The following ZNF292 variants were observed in gnomAD, a reference collection of about 807,000 sequenced individuals.
ZNF292 encodes the protein 16 zinc-finger domain protein.
ZNF292 carries 26 observed loss-of-function variants against 217.9 expected under a neutral mutation model. The observed-to-expected ratio is 0.12, with a 90% CI of 0.09 to 0.17. ZNF292 has a LOEUF of 0.17. Ranked by LOEUF, ZNF292 falls within the 10% of genes least tolerant of loss-of-function variation. ZNF292 has a pLI of 1.00. For synonymous variants in ZNF292, 1,257 were observed against 1,124.1 expected (o/e 1.12, Z -2.37); for missense variants, 2,904 against 3,175.2 (o/e 0.91, Z 2.05).
chr6:87,208,179 T>C (rs751169249), intron 1 of ZNF292, among the ~76,000 whole-genome samples: 4 of 152,190 alleles, frequency 2.6e-5, no homozygotes, highest in Non-Finnish European at 5.9e-5. Flanking sequence ...ACCAATCTTA[T>C]TTTGATCCTC....
intron 4 of ZNF292, among the ~76,000 whole-genome samples, chr6:87,227,037 T>C (rs894219452): frequency 9.9e-5 from 15 of 152,192 alleles, no homozygotes; most frequent in African/African-American, 3.6e-4. Flanking sequence ...TAGTTAAATC[T>C]AATACTCATA....
At chr6:87,165,861 G>A (rs1014216720) in intron 1 of ZNF292, among the ~76,000 whole-genome samples, 3 of 150,268 alleles carry the variant, frequency 2.0e-5, no homozygotes, top group African/African-American at 4.9e-5. Flanking sequence ...AGGTTTAAGC[G>A]ATTCTCCCGC....
chr6:87,158,938 A>G (rs1693250671), intron 1 of ZNF292, among the ~76,000 whole-genome samples: 2 of 152,226 alleles, frequency 1.3e-5, no homozygotes. Context: ...ACGTTTGTCA[A>G]AGTTAATGGG....
In ZNF292 at chr6:87,260,679, G is replaced by T. The variant is rs764872083; in HGVS notation, c.7050G>T (p.Gln2350His). ...NLENKNAKIV[Q>H]IEENKPYSLK... Reference sequence around the variant, plus strand: ...AAAACAAGAATGCAAAGATTGTGCAGATTGAAGAAAATAAGCCTTATTCTC... The same window carrying T: ...AAAACAAGAATGCAAAGATTGTGCATATTGAAGAAAATAAGCCTTATTCTC... The change falls in exon 8 of 8, where the codon CAG becomes CAT. Residue 2350 changes from glutamine to histidine, a missense_variant. Around this residue, in one of 15 missense-constraint regions of ZNF292, gnomAD observed 101 missense variants for 89.5 expected, o/e 1.13. Transcript: ENST00000369577. The T allele has an allele frequency of 6.2e-7, 1 of 1,612,706 alleles. No homozygotes were observed. Among genetic ancestry groups the T allele is most frequent in the Non-Finnish European group, 8.5e-7 (1 of 1,179,502 alleles).
Position 87,257,772 on chromosome 6 carries a change from C to T in ZNF292, c.4143C>T (p.Tyr1381=), listed in dbSNP as rs749457728. 8.9e-5 allele frequency: 143 copies of T among 1,613,688 alleles called. 1 individual carries two copies. In the East Asian group the frequency reaches 3.1e-3, roughly 35 times the overall value. ...GGAAATTTATCTGTAGCAGGTGTTA[C>T]AGGGCTTTTACTAATCCCAGATCAC... ...RDGKFICSRC[Y]RAFTNPRSLG... is the part of the protein sequence containing the mutation. Residue 1381 remains tyrosine (Y), a synonymous_variant, in exon 8 of 8, where the codon TAC becomes TAT. Coordinates refer to ENST00000369577, the MANE Select transcript of ZNF292 (RefSeq NM_015021.3).
At chr6:87,196,018 A>G (rs576145308) in intron 1 of ZNF292, among the ~76,000 whole-genome samples, 11 of 146,674 alleles carry the variant, frequency 7.5e-5, no homozygotes, top group African/African-American at 2.8e-4. Flanking sequence ...GCAGAGTGAG[A>G]CTCCGTCTCA....
intron 1 of ZNF292, among the ~76,000 whole-genome samples, chr6:87,177,368 G>A (rs1291976317): frequency 6.6e-6 from 1 of 151,240 alleles, no homozygotes; most frequent in East Asian, 1.9e-4. Context: ...GTCATTTTTA[G>A]CTCCTCCTCT....
chr6:87,218,874 T>C, intron 4 of ZNF292, 143 bp downstream of exon 4: 1 of 796,612 alleles, frequency 1.3e-6, no homozygotes, highest in South Asian at 2.3e-5. Flanking sequence ...CTTGAGGCCC[T>C]GCGCCTTTAT....
At chr6:87,190,104 A>G (rs1277493264) in intron 1 of ZNF292, among the ~76,000 whole-genome samples, 1 of 152,108 alleles carries the variant, frequency 6.6e-6, no homozygotes, top group Non-Finnish European at 1.5e-5. Flanking sequence ...TTGTGTGTGT[A>G]TGTGTGTATG....
At chr6:87,229,309 A>G (rs1166370912) in intron 4 of ZNF292, among the ~76,000 whole-genome samples, 1 of 152,192 alleles carries the variant, frequency 6.6e-6, no homozygotes, top group Non-Finnish European at 1.5e-5. Context: ...GTAGTTTTTA[A>G]ATGGGATCTT....
At chr6:87,160,179 A>G (rs937494053) in intron 1 of ZNF292, among the ~76,000 whole-genome samples, 5 of 152,216 alleles carry the variant, frequency 3.3e-5, no homozygotes, top group African/African-American at 9.7e-5. Context: ...TATGATTTAT[A>G]TATTTTATCA....
At position 87,258,052 on chromosome 6, in the gene ZNF292, G is replaced by T; in HGVS notation, c.4423G>T (p.Val1475Leu). Residue 1475 changes from valine (V) to leucine (L), a missense_variant, in exon 8 of 8, where the codon GTG (valine) becomes TTG (leucine). Coordinates refer to ENST00000369577, the MANE Select transcript of ZNF292 (RefSeq NM_015021.3). ...ACCAAATACATTTCCTCGATCTGGTGTGACTAACTTTAATACCAGTGTCAG... is the reference window on the plus strand; with the variant it reads ...ACCAAATACATTTCCTCGATCTGGTTTGACTAACTTTAATACCAGTGTCAG... ...FLPNTFPRSG[V>L]TNFNTSVSQE... 1 of 1,613,810 alleles carries T rather than the reference G, an allele frequency of 6.2e-7. No homozygotes were observed. Among genetic ancestry groups the T allele is most frequent in the Non-Finnish European group, 8.5e-7 (1 of 1,179,810 alleles).
intron 1 of ZNF292, among the ~76,000 whole-genome samples, chr6:87,210,150 G>T (rs558892776): frequency 6.6e-6 from 1 of 152,092 alleles, no homozygotes; most frequent in Non-Finnish European, 1.5e-5. Flanking sequence ...AAGCATGTAT[G>T]TTCTAGACTC....
At chr6:87,168,369 C>T (rs1276544529) in intron 1 of ZNF292, among the ~76,000 whole-genome samples, 3 of 152,198 alleles carry the variant, frequency 2.0e-5, no homozygotes, top group South Asian at 2.1e-4. Flanking sequence ...AACTAAGCAG[C>T]GCTTTAAAAA....
Position 87,264,647 on chromosome 6 carries a change from G to A in ZNF292, c.*2846G>A, listed in dbSNP as rs2127883955. ...AGGGAATTCCAGACTTGGGGGTAGA[G>A]CGTAATTGCGGTATTGCCAGTGGGC... On this transcript the variant is annotated 3_prime_UTR_variant, in exon 8 of 8. Coordinates refer to ENST00000369577, the MANE Select transcript of ZNF292 (RefSeq NM_015021.3). Among the ~76,000 whole-genome samples, 1 of 152,298 alleles carries A rather than the reference G, an allele frequency of 6.6e-6. No individual in the cohort carries two copies. Among genetic ancestry groups the A allele is most frequent in the African/African-American group, 2.4e-5 (1 of 41,560 alleles).
In ZNF292 at chr6:87,257,581, G is replaced by A; in HGVS notation, c.3952G>A (p.Ala1318Thr). 2 of 1,606,394 alleles carry A rather than the reference G, an allele frequency of 1.2e-6. No individual in the cohort carries two copies. Among genetic ancestry groups the A allele is most frequent in the Non-Finnish European group, 1.7e-6 (2 of 1,175,968 alleles). ...TCTAAAGGGGGGTAATGGTGAAAATGCAGTTTTTCCTTCACAAGTGAATGT... is the reference window on the plus strand; with the variant it reads ...TCTAAAGGGGGGTAATGGTGAAAATACAGTTTTTCCTTCACAAGTGAATGT... ...SFLKGGNGEN[A>T]VFPSQVNVAN... is the part of the protein sequence containing the mutation. Residue 1318 changes from alanine to threonine, a missense_variant, in exon 8 of 8, where the codon GCA becomes ACA. Transcript: ENST00000369577.
intron 4 of ZNF292, among the ~76,000 whole-genome samples, chr6:87,219,822 A>T (rs1772988077): frequency 6.6e-6 from 1 of 152,054 alleles, no homozygotes; most frequent in African/African-American, 2.4e-5. Flanking sequence ...TAATAATAGT[A>T]ATTTATTTAT....
chr6:87,257,275 A>G lies in ZNF292; in HGVS notation c.3646A>G (p.Thr1216Ala), dbSNP rs756337534. The G allele has an allele frequency of 6.2e-7, 1 of 1,613,634 alleles. No individual in the cohort carries two copies. The highest frequency in any genetic ancestry group is 2.2e-5 in the East Asian group (1 of 44,884). The change falls in exon 8 of 8, where the codon ACT (threonine) becomes GCT (alanine). Residue 1216 changes from threonine (T) to alanine (A), a missense_variant. Thr to Ala is a moderately conservative substitution (Grantham distance 58, BLOSUM62 0). Coordinates refer to ENST00000369577, the MANE Select transcript of ZNF292 (RefSeq NM_015021.3). Reference sequence around the variant, plus strand: ...GGAAAGTGTCATAAATCCAAATATAACTTCTCAGGATAAAAATGAACAAGG... The same window carrying G: ...GGAAAGTGTCATAAATCCAAATATAGCTTCTCAGGATAAAAATGAACAAGG... ...SMESVINPNI[T>A]SQDKNEQGGM...
chr6:87,197,722 CAAAAAAAAAAAAAA>C (rs11312557), intron 1 of ZNF292, among the ~76,000 whole-genome samples: 5 of 77,344 alleles, frequency 6.5e-5, no homozygotes, highest in African/African-American at 2.4e-4. Flanking sequence ...CTCGCTGTTT[CAAAAAAAAAAAAAA>C]AAAAAAAAAG....
Sources: allele counts gnomAD v4.1 joint callset (sites outside exome capture counted in the v4.1 genomes callset), GRCh38; gene constraint gnomAD v4.1.1; regional missense constraint gnomAD v4.1.1; transcripts MANE v1.5; gene names NCBI Gene and HGNC (gene_info 2026-07-23, HGNC 2026-07-21).